The following TCF12 variants were observed in gnomAD, a reference collection of about 807,000 sequenced individuals.
TCF12 encodes DNA-binding protein HTF4.
Under a neutral mutation model 86.0 loss-of-function variants are expected in TCF12, and 45 were observed. That is an observed-to-expected ratio of 0.52 (90% CI 0.41 to 0.67). The LOEUF is 0.67. Among genes scored for constraint, TCF12 ranks in the 30% least tolerant of loss-of-function variants. The pLI is 0.00. For synonymous variants in TCF12, 330 were observed against 299.6 expected (o/e 1.10, Z -1.05); for missense variants, 881 against 859.9 (o/e 1.02, Z -0.31).
chr15:57,136,682 T>G (rs1457461843), intron 5 of TCF12, among the ~76,000 whole-genome samples: 1 of 152,162 alleles, frequency 6.6e-6, no homozygotes, highest in Non-Finnish European at 1.5e-5. Flanking sequence ...GTAATAGATG[T>G]TTTCTTTTTT....
intron 4 of TCF12, among the ~76,000 whole-genome samples, chr15:57,068,732 G>A (rs1280846569): frequency 2.0e-5 from 3 of 152,154 alleles, no homozygotes; most frequent in African/African-American, 7.2e-5. Context: ...CTTGAAGTAG[G>A]TGGTGGTGGT....
chr15:56,952,758 T>A (rs760814009), intron 3 of TCF12, among the ~76,000 whole-genome samples: 2 of 152,210 alleles, frequency 1.3e-5, no homozygotes, highest in Non-Finnish European at 2.9e-5. Flanking sequence ...TGGTACTTTC[T>A]GTAGATTCCA....
chr15:57,172,858 TGGAAGGCCGATTCA>T (rs1314539481), intron 6 of TCF12, among the ~76,000 whole-genome samples: 2 of 152,010 alleles, frequency 1.3e-5, no homozygotes, highest in African/African-American at 4.8e-5. Context: ...CCCAGCCCTT[TGGAAGGCCGATTCA>T]GGAGGATCAC....
At chr15:57,171,035 C>A (rs1332056600) in intron 6 of TCF12, among the ~76,000 whole-genome samples, 1 of 150,662 alleles carries the variant, frequency 6.6e-6, no homozygotes, top group African/African-American at 2.5e-5. Flanking sequence ...TGTATGCCAA[C>A]TCCTCTGTGT....
intron 13 of TCF12, chr15:57,248,177 T>C (rs2059948405): frequency 1.4e-6 from 1 of 692,740 alleles, no homozygotes; most frequent in Non-Finnish European, 2.6e-6. Context: ...CCTTACGTCT[T>C]ATTGGCCAGC....
chr15:57,202,313 G>A (rs969422311), intron 8 of TCF12, among the ~76,000 whole-genome samples: 8 of 151,868 alleles, frequency 5.3e-5, no homozygotes, highest in African/African-American at 1.9e-4. Context: ...AATTTATTCT[G>A]TCAATTATGT....
intron 6 of TCF12, among the ~76,000 whole-genome samples, chr15:57,173,777 G>A (rs943162349): frequency 6.6e-6 from 1 of 150,668 alleles, no homozygotes; most frequent in Admixed American, 6.6e-5. Context: ...GTGCTATCTC[G>A]GCTCACTACA....
intron 5 of TCF12, among the ~76,000 whole-genome samples, chr15:57,113,024 A>G (rs528215849): frequency 6.6e-6 from 1 of 152,318 alleles, no homozygotes; most frequent in South Asian, 2.1e-4. Context: ...CCTGCACATC[A>G]TTGTTCTGTG....
At chr15:56,920,332 G>A (rs966800613) in intron 2 of TCF12, among the ~76,000 whole-genome samples, 1 of 152,078 alleles carries the variant, frequency 6.6e-6, no homozygotes. Flanking sequence ...ATATGAAAAA[G>A]TGTTGTTTTT....
intron 16 of TCF12, among the ~76,000 whole-genome samples, chr15:57,257,328 C>T (rs545675330): frequency 1.4e-4 from 22 of 152,200 alleles, no homozygotes; most frequent in African/African-American, 5.3e-4. Context: ...AAGCCAGGAT[C>T]CACTGGTAGT....
At chr15:56,923,952 G>C (rs147065950) in intron 3 of TCF12, among the ~76,000 whole-genome samples, 13 of 151,936 alleles carry the variant, frequency 8.6e-5, no homozygotes, top group African/African-American at 3.1e-4. Context: ...ATAATTGTAG[G>C]AAGTATTTTC....
At chr15:56,983,974 C>T (rs2063020622) in intron 3 of TCF12, among the ~76,000 whole-genome samples, 1 of 93,198 alleles carries the variant, frequency 1.1e-5, no homozygotes, top group Non-Finnish European at 1.9e-5. Context: ...TGCAATTCAG[C>T]CTAGGCAACT....
At chr15:57,278,418 T>C (rs938233033) in intron 19 of TCF12, among the ~76,000 whole-genome samples, 4 of 152,160 alleles carry the variant, frequency 2.6e-5, no homozygotes, top group Non-Finnish European at 5.9e-5. Flanking sequence ...TTAGATCTCT[T>C]GGAGCATTCA....
chr15:57,224,210 G>A (rs1165892021), intron 8 of TCF12, among the ~76,000 whole-genome samples: 1 of 151,992 alleles, frequency 6.6e-6, no homozygotes, highest in African/African-American at 2.4e-5. Flanking sequence ...AGGGGATCAG[G>A]TGCAATATTG....
chr15:56,941,140 G>C (rs1176419419), intron 3 of TCF12, among the ~76,000 whole-genome samples: 1 of 151,724 alleles, frequency 6.6e-6, no homozygotes, highest in African/African-American at 2.4e-5. Context: ...TGAGGTGGGT[G>C]TATCACTTGA....
intron 3 of TCF12, among the ~76,000 whole-genome samples, chr15:56,981,922 G>A (rs550282299): frequency 3.3e-5 from 5 of 152,160 alleles, no homozygotes; most frequent in Admixed American, 2.0e-4. Context: ...TGGCTGTCTC[G>A]CAGAGGTGGA....
intron 4 of TCF12, among the ~76,000 whole-genome samples, chr15:57,078,511 A>G (rs1440179213): frequency 6.6e-6 from 1 of 152,184 alleles, no homozygotes; most frequent in African/African-American, 2.4e-5. Flanking sequence ...AGCTCCTTGA[A>G]GGCAAAGGCT....
At chr15:57,024,414 A>G (rs1419220937) in intron 3 of TCF12, among the ~76,000 whole-genome samples, 1 of 152,036 alleles carries the variant, frequency 6.6e-6, no homozygotes, top group Non-Finnish European at 1.5e-5. Context: ...TGGTTTCACC[A>G]TGTTGGCTAG....
At chr15:57,055,793 C>G (rs1208754832) in intron 3 of TCF12, among the ~76,000 whole-genome samples, 1 of 152,098 alleles carries the variant, frequency 6.6e-6, no homozygotes, top group African/African-American at 2.4e-5. Flanking sequence ...TTTATACTCT[C>G]TGGGTTTCAC....
Sources: gnomAD v4.1 joint callset for allele counts (sites outside exome capture counted in the v4.1 genomes callset) on GRCh38, gnomAD v4.1.1 for gene constraint, MANE v1.5 for transcripts, NCBI Gene and HGNC (gene_info 2026-07-23, HGNC 2026-07-21) for gene names.